The following NEGR1 variants were observed in gnomAD, a reference collection of about 807,000 sequenced individuals.
The protein encoded by NEGR1 is IgLON family member 4.
A neutral mutation model predicts 40.9 loss-of-function variants in NEGR1; 10 were observed. That is an observed-to-expected ratio of 0.24 (90% CI 0.15 to 0.42). NEGR1 has a LOEUF of 0.42. NEGR1 is among the 10% of genes least tolerant of loss of function. The probability of loss-of-function intolerance (pLI) is 1.00; values close to 1 mark genes in which losing one functional copy is unlikely to be tolerated. For synonymous variants in NEGR1, 185 were observed against 166.8 expected (o/e 1.11, Z -0.84); for missense variants, 352 against 438.9 (o/e 0.80, Z 1.77).
chr1:71,964,987 T>C lies in NEGR1; in HGVS notation c.177-29676A>G, dbSNP rs551659709. On this transcript the variant is annotated intron_variant, in intron 1 of 6. Transcript: ENST00000357731. ...TAATTGTTCGAGTTTAGCATGGTAATACTATTCCTTTTTTAGTTGTTGGTT... is the reference window on the plus strand; with the variant it reads ...TAATTGTTCGAGTTTAGCATGGTAACACTATTCCTTTTTTAGTTGTTGGTT... 1.9e-4 allele frequency among the ~76,000 whole-genome samples: 29 copies of C among 152,314 alleles called. No individual in the cohort carries two copies. The South Asian group carries it at 5.4e-3, about 28-fold the overall frequency.
chr1:72,055,120 G>A (rs1285771484), intron 1 of NEGR1, among the ~76,000 whole-genome samples: 1 of 150,994 alleles, frequency 6.6e-6, no homozygotes, highest in Non-Finnish European at 1.5e-5. Context: ...TTATAATAAA[G>A]TTTTTATGTA....
intron 6 of NEGR1, among the ~76,000 whole-genome samples, chr1:71,471,157 CG>C (rs1380160444): frequency 6.6e-6 from 1 of 152,070 alleles, no homozygotes; most frequent in African/African-American, 2.4e-5. Flanking sequence ...TCTTTATTAA[CG>C]TAAGAAGACT....
At chr1:71,679,560 A>T (rs1652762095) in intron 4 of NEGR1, among the ~76,000 whole-genome samples, 1 of 151,950 alleles carries the variant, frequency 6.6e-6, no homozygotes, top group Non-Finnish European at 1.5e-5. Context: ...AATTGAAATA[A>T]TTTTTTTTGG....
intron 1 of NEGR1, among the ~76,000 whole-genome samples, chr1:72,143,451 C>T (rs1650762185): frequency 6.6e-6 from 1 of 151,638 alleles, no homozygotes; most frequent in Non-Finnish European, 1.5e-5. Context: ...AAACTGATGT[C>T]CTTTAATCCT....
chr1:72,084,126 C>T (rs1288783906), intron 1 of NEGR1, among the ~76,000 whole-genome samples: 1 of 151,956 alleles, frequency 6.6e-6, no homozygotes, highest in African/African-American at 2.4e-5. Context: ...CAGGAAGTAA[C>T]ATATTTGAAA....
intron 1 of NEGR1, among the ~76,000 whole-genome samples, chr1:72,267,927 GA>G (rs1225635130): frequency 6.6e-6 from 1 of 150,778 alleles, no homozygotes; most frequent in Non-Finnish European, 1.5e-5. Context: ...AAATTTAGAG[GA>G]AAATCCATGT....
intron 5 of NEGR1, among the ~76,000 whole-genome samples, chr1:71,604,023 T>TA: frequency 6.6e-6 from 1 of 152,124 alleles, no homozygotes; most frequent in East Asian, 1.9e-4. Context: ...AAAACCTCAT[T>TA]AAAAATAGAG....
chr1:71,872,122 CA>C (rs1660296520), intron 2 of NEGR1, among the ~76,000 whole-genome samples: 1 of 152,058 alleles, frequency 6.6e-6, no homozygotes, highest in African/African-American at 2.4e-5. Flanking sequence ...ATAGTCCATT[CA>C]ATTGCTTAAA....
chr1:71,583,356 T>C (rs1649196714), intron 6 of NEGR1, among the ~76,000 whole-genome samples: 1 of 152,172 alleles, frequency 6.6e-6, no homozygotes, highest in African/African-American at 2.4e-5. Flanking sequence ...TTTCAGGTGT[T>C]GCTGGCAGGA....
chr1:71,888,208 G>A (rs1448292464), intron 2 of NEGR1, among the ~76,000 whole-genome samples: 3 of 152,126 alleles, frequency 2.0e-5, no homozygotes, highest in African/African-American at 4.8e-5. Flanking sequence ...GAAGTCGGGG[G>A]AGGAGCCAAG....
At chr1:72,048,067 T>C (rs946348111) in intron 1 of NEGR1, among the ~76,000 whole-genome samples, 8 of 151,668 alleles carry the variant, frequency 5.3e-5, no homozygotes, top group Admixed American at 3.3e-4. Context: ...GGCACTTTCA[T>C]CTATCTCCAA....
At chr1:71,703,585 C>A in intron 3 of NEGR1, among the ~76,000 whole-genome samples, 1 of 148,096 alleles carries the variant, frequency 6.8e-6, no homozygotes, top group African/African-American at 2.5e-5. Context: ...AATGAAGAAA[C>A]AAATGGCAGA....
intron 6 of NEGR1, among the ~76,000 whole-genome samples, chr1:71,460,898 G>A (rs1646709725): frequency 6.6e-6 from 1 of 152,022 alleles, no homozygotes. Context: ...TAAAGTGGAA[G>A]GGTTTTTGTT....
At chr1:71,597,803 C>G (rs1305576370) in intron 5 of NEGR1, among the ~76,000 whole-genome samples, 2 of 151,782 alleles carry the variant, frequency 1.3e-5, no homozygotes, top group African/African-American at 4.8e-5. Context: ...GTCCCTGCTA[C>G]TCGGAGGGCT....
intron 6 of NEGR1, among the ~76,000 whole-genome samples, chr1:71,513,039 G>C (rs185998726): frequency 1.3e-5 from 2 of 151,998 alleles, no homozygotes; most frequent in Non-Finnish European, 2.9e-5. Context: ...CTAGTCAATA[G>C]GGCAGATTAA....
chr1:71,805,811 G>A (rs1340423467), intron 2 of NEGR1, among the ~76,000 whole-genome samples: 1 of 152,074 alleles, frequency 6.6e-6, no homozygotes, highest in African/African-American at 2.4e-5. Flanking sequence ...TCAGTAATAG[G>A]CAGAAGAAAA....
chr1:71,939,956 A>AG (rs1185093621), intron 1 of NEGR1, among the ~76,000 whole-genome samples: 4 of 152,198 alleles, frequency 2.6e-5, no homozygotes, highest in African/African-American at 9.7e-5. Context: ...GATTGAACAA[A>AG]GCCAGTTGGC....
At chr1:72,266,473 C>A (rs996681225) in intron 1 of NEGR1, among the ~76,000 whole-genome samples, 1 of 150,702 alleles carries the variant, frequency 6.6e-6, no homozygotes, top group African/African-American at 2.4e-5. Flanking sequence ...TTAAGAGATA[C>A]AAAGGCAATT....
rs756076229 is a variant in NEGR1 at position 71,597,472 on chromosome 1, C to CTCTCTCTGTGTGTGTG, written c.789-4505_789-4504insCACACACACAGAGAGA. The stretch of plus-strand genomic sequence containing the variant: ...TCTCTCTCTCTCTCTCTCTCTCTCT[C>CTCTCTCTGTGTGTGTG]TGTGTGTGTGTGTGTGTGTGTGTGT... On this transcript the variant is annotated intron_variant, in intron 5 of 6. Transcript: ENST00000357731. 7.5e-3 allele frequency among the ~76,000 whole-genome samples: 236 copies of CTCTCTCTGTGTGTGTG among 31,326 alleles called. 7 individuals carry two copies. The highest frequency in any genetic ancestry group is 0.071 in the Middle Eastern group (2 of 28). 20.6% of individuals were successfully genotyped at this position (31,326 alleles called of 152,430 possible). A position where few individuals can be genotyped will look rare whatever the true frequency, so the allele number is the denominator to read the frequency against.
Sources: allele counts gnomAD v4.1 joint callset (sites outside exome capture counted in the v4.1 genomes callset), GRCh38; gene constraint gnomAD v4.1.1; transcripts MANE v1.5; gene names NCBI Gene and HGNC (gene_info 2026-07-23, HGNC 2026-07-21).